LUC7L2: variants seen among roughly 807,000 people sequenced by gnomAD.
LUC7L2 encodes the protein putative RNA-binding protein Luc7-like 2.
Under a neutral mutation model 52.8 loss-of-function variants are expected in LUC7L2, and 25 were observed. The observed-to-expected ratio is 0.47, with a 90% CI of 0.34 to 0.66. The LOEUF (loss-of-function observed/expected upper bound fraction) is 0.66, where lower values mean the gene tolerates loss of function less well. Ranked by LOEUF, LUC7L2 falls within the 30% of genes least tolerant of loss-of-function variation. The pLI, the probability that LUC7L2 is intolerant of heterozygous loss-of-function variation, is 0.01. For synonymous variants in LUC7L2, 144 were observed against 160.9 expected (o/e 0.89, Z 0.80); for missense variants, 328 against 497.8 (o/e 0.66, Z 3.25).
chr7:139,414,531 A>T (rs1795503663), intron 8 of LUC7L2, among the ~76,000 whole-genome samples: 1 of 152,264 alleles, frequency 6.6e-6, no homozygotes, highest in Admixed American at 6.5e-5. Context: ...TATGTCTTTT[A>T]TCCCAGAATA....
intron 2 of LUC7L2, among the ~76,000 whole-genome samples, chr7:139,381,392 A>C (rs1242553780): frequency 9.0e-6 from 1 of 110,604 alleles, no homozygotes; most frequent in Non-Finnish European, 2.1e-5. Flanking sequence ...TTTATTTTTT[A>C]TTTTATTTTA....
At chr7:139,352,178 A>G (rs1034496010) in intron 1 of LUC7L2, among the ~76,000 whole-genome samples, 3 of 152,032 alleles carry the variant, frequency 2.0e-5, no homozygotes, top group African/African-American at 7.3e-5. Context: ...CCTGGGCGAC[A>G]GAGAAAGACC....
chr7:139,405,798 A>G lies in LUC7L2; in HGVS notation c.510+11A>G, dbSNP rs1427941404. On this transcript the variant is annotated intron_variant, in intron 5 of 9. Transcript: ENST00000354926. ...AAAAGAGAAGCAGAGGTAAATTCTT[A>G]ATAGTAGTAGACGAATTCTGCTTAA... 2.5e-6 allele frequency: 4 copies of G among 1,589,690 alleles called. No individual in the cohort carries two copies. Among genetic ancestry groups the G allele is most frequent in the Non-Finnish European group, 3.4e-6 (4 of 1,173,266 alleles).
At chr7:139,371,364 A>G in intron 1 of LUC7L2, 1 of 829,298 alleles carries the variant, frequency 1.2e-6, no homozygotes, top group Non-Finnish European at 2.0e-6. Flanking sequence ...TTACAATACT[A>G]AACTCAGTTC....
intron 8 of LUC7L2, chr7:139,416,360 A>G (rs1278994739): frequency 1.3e-5 from 2 of 151,866 alleles, no homozygotes; most frequent in Non-Finnish European, 2.9e-5. Flanking sequence ...TTTTCAAAAA[A>G]TGTCTTTATT....
intron 1 of LUC7L2, 92 bp downstream of exon 1, chr7:139,360,414 G>C: frequency 3.3e-6 from 4 of 1,212,114 alleles, no homozygotes; most frequent in African/African-American, 1.5e-5. Flanking sequence ...CGCGCGTGTG[G>C]CTGAGTAAGG....
chr7:139,344,579 G>T (rs935847887), intron 1 of LUC7L2, among the ~76,000 whole-genome samples: 1 of 151,878 alleles, frequency 6.6e-6, no homozygotes, highest in Admixed American at 6.6e-5. Flanking sequence ...GATATGGAGG[G>T]CCAATTGTAA....
intron 9 of LUC7L2, among the ~76,000 whole-genome samples, chr7:139,421,100 CTT>C (rs893993721): frequency 1.3e-5 from 2 of 152,170 alleles, no homozygotes; most frequent in African/African-American, 2.4e-5. Context: ...CGTGCCCAGT[CTT>C]TTTATATCAT....
chr7:139,376,555 G>A (rs1343832347), intron 2 of LUC7L2, among the ~76,000 whole-genome samples: 6 of 152,070 alleles, frequency 3.9e-5, no homozygotes, highest in Non-Finnish European at 7.4e-5. Context: ...GAATCAGTGG[G>A]GAAATATATT....
intron 1 of LUC7L2, chr7:139,346,053 C>T (rs1799258184): frequency 1.2e-5 from 2 of 162,884 alleles, no homozygotes; most frequent in South Asian, 3.1e-4. Context: ...GCCTGACCAA[C>T]ATGGAAAAAC....
intron 1 of LUC7L2, among the ~76,000 whole-genome samples, chr7:139,360,697 C>A (rs1053302741): frequency 6.6e-6 from 1 of 152,186 alleles, no homozygotes; most frequent in Non-Finnish European, 1.5e-5. Flanking sequence ...GATATAATTC[C>A]TTAACCCAGA....
chr7:139,385,556 A>C (rs1045915210), intron 2 of LUC7L2, among the ~76,000 whole-genome samples: 1 of 151,966 alleles, frequency 6.6e-6, no homozygotes, highest in Non-Finnish European at 1.5e-5. Context: ...CCTGGCCTCA[A>C]GGGATCCTCA....
Position 139,422,407 on chromosome 7 carries a change from G to A in LUC7L2, c.*67G>A, listed in dbSNP as rs1055655315. On this transcript the variant is annotated 3_prime_UTR_variant, in exon 10 of 10. Transcript: ENST00000354926. ...GTTACGTACTATTGTTTAGTTCACA[G>A]CTGTTCAGGGTGACAGTGAGCAGAT... The A allele has an allele frequency of 1.3e-6, 2 of 1,533,406 alleles. No individual in the cohort carries two copies. Among genetic ancestry groups the A allele is most frequent in the Non-Finnish European group, 1.8e-6 (2 of 1,142,530 alleles). 95.0% of individuals were successfully genotyped at this position (1,533,406 alleles called of 1,614,324 possible).
intron 4 of LUC7L2, among the ~76,000 whole-genome samples, chr7:139,404,367 G>T (rs571551919): frequency 6.6e-6 from 1 of 152,272 alleles, no homozygotes; most frequent in African/African-American, 2.4e-5. Context: ...AAATTAGCCA[G>T]GCATGGTGGT....
At chr7:139,359,860 C>G, upstream of LUC7L2, 1 of 409,998 alleles carries the variant, frequency 2.4e-6, no homozygotes, top group Non-Finnish European at 4.3e-6. Flanking sequence ...GGTGGAGCCC[C>G]CGCGGGAAAC....
At position 139,363,282 on chromosome 7, in the gene LUC7L2, CTATA is replaced by C. The variant is rs1369436774; in HGVS notation, c.61+2963_61+2966del. ...CGCGTGAGTTGAAACATTGGTCACA[CTATA>C]TAAAGTTTGTATATGTGAATCAGTG... On this transcript the variant is annotated intron_variant, in intron 1 of 9. Coordinates refer to ENST00000354926, the MANE Select transcript of LUC7L2 (RefSeq NM_016019.5). The C allele has an allele frequency of 1.6e-5, 16 of 972,102 alleles. No individual in the cohort carries two copies. In the East Asian group the frequency reaches 1.6e-3, roughly 97 times the overall value. The allele number at this position is 972,102 out of a possible 1,614,324, so 60.2% of individuals were successfully genotyped here. A position where few individuals can be genotyped will look rare whatever the true frequency, so the allele number is the denominator to read the frequency against.
At chr7:139,380,931 A>C (rs1173549439) in intron 2 of LUC7L2, among the ~76,000 whole-genome samples, 2 of 152,244 alleles carry the variant, frequency 1.3e-5, no homozygotes, top group African/African-American at 4.8e-5. Context: ...TAAAGCAAAG[A>C]TGTTAACAGA....
chr7:139,409,248 T>A (rs145831798), intron 6 of LUC7L2, among the ~76,000 whole-genome samples: 1 of 151,404 alleles, frequency 6.6e-6, no homozygotes, highest in Admixed American at 6.6e-5. Context: ...TGTAGACCCA[T>A]CTGGGCAACA....
At chr7:139,377,241 T>A (rs73484713) in intron 2 of LUC7L2, among the ~76,000 whole-genome samples, 3,588 of 152,276 alleles carry the variant, frequency 0.024, 152 homozygotes, top group African/African-American at 0.081. Flanking sequence ...TCTTGCTCTG[T>A]CACCCAGGCT....
Sources: allele counts gnomAD v4.1 joint callset (sites outside exome capture counted in the v4.1 genomes callset), GRCh38; gene constraint gnomAD v4.1.1; transcripts MANE v1.5; gene names NCBI Gene and HGNC (gene_info 2026-07-23, HGNC 2026-07-21).